The following CFDP1 variants were observed in gnomAD, a reference collection of about 807,000 sequenced individuals.
CFDP1 encodes the protein heterochromatin-stabilizing protein CFDP1.
A neutral mutation model predicts 40.1 loss-of-function variants in CFDP1; 31 were observed. The observed-to-expected ratio is 0.77, with a 90% confidence interval of 0.58 to 1.04. The LOEUF (loss-of-function observed/expected upper bound fraction) is 1.04. CFDP1 is among the 50% of genes least tolerant of loss of function. CFDP1 has a pLI of 0.00. For synonymous variants in CFDP1, 167 were observed against 120.0 expected (o/e 1.39, Z -2.56); for missense variants, 423 against 343.4 (o/e 1.23, Z -1.83).
intron 6 of CFDP1, among the ~76,000 whole-genome samples, chr16:75,301,187 C>A (rs928309111): frequency 6.6e-6 from 1 of 152,060 alleles, no homozygotes; most frequent in African/African-American, 2.4e-5. Context: ...TTAATTCCCA[C>A]AATAATCACG....
intron 1 of CFDP1, among the ~76,000 whole-genome samples, chr16:75,430,653 G>A (rs1236888101): frequency 6.6e-6 from 1 of 151,480 alleles, no homozygotes; most frequent in East Asian, 1.9e-4. Flanking sequence ...CAGTAGAGAT[G>A]GGGTTACACC....
intron 4 of CFDP1, among the ~76,000 whole-genome samples, chr16:75,411,371 A>G (rs1467914321): frequency 6.6e-6 from 1 of 152,204 alleles, no homozygotes; most frequent in African/African-American, 2.4e-5. Context: ...AGATCACGCC[A>G]CTGCATTCCA....
intron 5 of CFDP1, among the ~76,000 whole-genome samples, chr16:75,393,180 G>A (rs1361752843): frequency 6.6e-6 from 1 of 152,140 alleles, no homozygotes; most frequent in African/African-American, 2.4e-5. Flanking sequence ...AGCCCTCACT[G>A]TGTTCTTCCC....
At chr16:75,412,022 T>A in intron 3 of CFDP1, 70 bp from the exon 4 acceptor site, 1 of 1,479,022 alleles carries the variant, frequency 6.8e-7, no homozygotes, top group African/African-American at 1.4e-5. Flanking sequence ...TACTTTTTAT[T>A]TTTTTTTCTT....
intron 1 of CFDP1, among the ~76,000 whole-genome samples, chr16:75,423,864 C>T (rs2079306310): frequency 6.6e-6 from 1 of 152,122 alleles, no homozygotes. Flanking sequence ...TGCACCCAGC[C>T]TTTTTCCAAA....
intron 6 of CFDP1, 42 bp from the exon 7 acceptor site, chr16:75,294,084 A>G (rs2078165088): frequency 1.4e-6 from 2 of 1,478,272 alleles, no homozygotes; most frequent in Non-Finnish European, 9.5e-7. Context: ...ATCCAGTAGG[A>G]AAAACTCCTC....
At chr16:75,334,125 A>G (rs1213420280) in intron 5 of CFDP1, among the ~76,000 whole-genome samples, 1 of 152,066 alleles carries the variant, frequency 6.6e-6, no homozygotes, top group Non-Finnish European at 1.5e-5. Context: ...CCTCAAGATC[A>G]TCTTCAAGGG....
At chr16:75,423,970 T>C (rs1047873735) in intron 1 of CFDP1, among the ~76,000 whole-genome samples, 3 of 152,182 alleles carry the variant, frequency 2.0e-5, no homozygotes, top group Non-Finnish European at 4.4e-5. Context: ...AATGTATAAA[T>C]ATATCCTGAC....
chr16:75,415,083 G>A (rs1000270540), intron 1 of CFDP1, among the ~76,000 whole-genome samples: 3 of 152,210 alleles, frequency 2.0e-5, no homozygotes, highest in Non-Finnish European at 4.4e-5. Flanking sequence ...TCTCAAAGAA[G>A]AAACTGATGC....
intron 5 of CFDP1, among the ~76,000 whole-genome samples, chr16:75,333,375 G>A (rs933844645): frequency 3.3e-5 from 5 of 152,062 alleles, no homozygotes; most frequent in Admixed American, 6.6e-5. Flanking sequence ...CGCCCGCCTC[G>A]GCCTCCCAAA....
intron 1 of CFDP1, among the ~76,000 whole-genome samples, chr16:75,427,654 A>C (rs542785797): frequency 9.2e-5 from 14 of 152,332 alleles, no homozygotes; most frequent in African/African-American, 2.9e-4. Context: ...CTTGTTACCA[A>C]CAGCAATCAA....
At chr16:75,349,698 T>TATATATATATATATAC (rs146824267) in intron 5 of CFDP1, among the ~76,000 whole-genome samples, 18 of 47,894 alleles carry the variant, frequency 3.8e-4, no homozygotes, top group African/African-American at 1.1e-3. Context: ...AAAATATATA[T>TATATATATATATATAC]ACATACATAT....
At chr16:75,299,994 C>T (rs561554977) in intron 6 of CFDP1, among the ~76,000 whole-genome samples, 2 of 152,130 alleles carry the variant, frequency 1.3e-5, no homozygotes, top group East Asian at 3.9e-4. Flanking sequence ...CAGAGGTAGG[C>T]AGGGGACAGC....
intron 4 of CFDP1, among the ~76,000 whole-genome samples, chr16:75,406,914 G>A (rs908701491): frequency 6.6e-6 from 1 of 152,136 alleles, no homozygotes; most frequent in Admixed American, 6.5e-5. Flanking sequence ...CCAACTACTC[G>A]AGAGACTGAG....
intron 5 of CFDP1, among the ~76,000 whole-genome samples, chr16:75,360,193 C>G (rs1469011515): frequency 6.6e-6 from 1 of 152,154 alleles, no homozygotes; most frequent in African/African-American, 2.4e-5. Flanking sequence ...TGCGCCCAGC[C>G]CAGATTTTGG....
intron 4 of CFDP1, among the ~76,000 whole-genome samples, chr16:75,400,680 A>G (rs571604919): frequency 1.8e-4 from 28 of 152,332 alleles, no homozygotes; most frequent in Admixed American, 9.8e-4. Flanking sequence ...GAGGAATTAT[A>G]TGAAAATCTA....
intron 5 of CFDP1, among the ~76,000 whole-genome samples, chr16:75,345,486 A>G (rs1262878972): frequency 1.3e-5 from 2 of 151,962 alleles, no homozygotes; most frequent in African/African-American, 4.8e-5. Flanking sequence ...AAAAAACAAA[A>G]CATTATCTGG....
At chr16:75,432,781 A>T (rs2079438365) in intron 1 of CFDP1, among the ~76,000 whole-genome samples, 1 of 152,188 alleles carries the variant, frequency 6.6e-6, no homozygotes, top group Non-Finnish European at 1.5e-5. Context: ...CTAAGGAAAG[A>T]AAGTTCTGAG....
chr16:75,364,154 A>AAC (rs1012235761), intron 5 of CFDP1, among the ~76,000 whole-genome samples: 2 of 104,322 alleles, frequency 1.9e-5, no homozygotes, highest in African/African-American at 3.0e-5. Flanking sequence ...CAAACAAACA[A>AAC]AAAAAACTAT....
Sources: allele counts gnomAD v4.1 joint callset (sites outside exome capture counted in the v4.1 genomes callset), GRCh38; gene constraint gnomAD v4.1.1; transcripts MANE v1.5; gene names NCBI Gene and HGNC (gene_info 2026-07-23, HGNC 2026-07-21).